Variants in TBXAS1 observed in about 807,000 individuals in gnomAD.
TBXAS1 encodes the protein thromboxane-A synthase.
In TBXAS1, 48 loss-of-function variants were observed where a neutral mutation model predicts 60.7. That is an observed-to-expected ratio of 0.79 (90% CI 0.63 to 1.01). The LOEUF (loss-of-function observed/expected upper bound fraction) is 1.01. TBXAS1 is among the 50% of genes least tolerant of loss of function. The probability of loss-of-function intolerance (pLI) is 0.00; values close to 1 mark genes in which losing one functional copy is unlikely to be tolerated. For missense variants in TBXAS1, 685 were observed against 686.3 expected (o/e 1.00, Z 0.02); for synonymous variants, 287 against 269.7 (o/e 1.06, Z -0.63).
rs563863922 is a variant in TBXAS1, at chr7:139,916,894, C to T, written c.333+5573C>T. Among the ~76,000 whole-genome samples the T allele has an allele frequency of 1.4e-4, 21 of 152,308 alleles. No homozygotes were observed. Among genetic ancestry groups the T allele is most frequent in the South Asian group, 1.2e-3 (6 of 4,832 alleles). On this transcript the variant is annotated intron_variant, in intron 4 of 12. Coordinates refer to ENST00000448866, the MANE Select transcript of TBXAS1 (RefSeq NM_001061.7). This position sits in a 1 kb window ranked among gnomAD's most constrained non-coding sequence, Gnocchi z 4.2. ...GCCCTTGGCAGACTTGCCATAAAACCGCCCCCCTTGAACTCATTCCTACAC... is the reference window on the plus strand; with the variant it reads ...GCCCTTGGCAGACTTGCCATAAAACTGCCCCCCTTGAACTCATTCCTACAC...
intron 9 of TBXAS1, among the ~76,000 whole-genome samples, chr7:139,996,948 C>G (rs752366847): frequency 1.3e-5 from 2 of 152,204 alleles, no homozygotes; most frequent in Non-Finnish European, 2.9e-5. Context: ...TTGCAAGAAC[C>G]TCCTGTCTTA....
chr7:140,003,870 C>T (rs920634534), intron 9 of TBXAS1, among the ~76,000 whole-genome samples: 4 of 152,208 alleles, frequency 2.6e-5, no homozygotes, highest in Non-Finnish European at 4.4e-5. Context: ...CAAGTGAGAA[C>T]TTGTTGGAAG....
intron 9 of TBXAS1, among the ~76,000 whole-genome samples, chr7:139,979,492 G>A (rs1006422414): frequency 1.3e-5 from 2 of 151,912 alleles, no homozygotes; most frequent in Non-Finnish European, 2.9e-5. Context: ...TTTGGGAGGC[G>A]GAGGTGGGTG....
At position 139,829,460 on chromosome 7, in the gene TBXAS1, C is replaced by T. The variant is rs755342498; in HGVS notation, c.70C>T (p.Leu24Phe). Residue 24 changes from leucine to phenylalanine, a missense_variant, in exon 1 of 13, where the codon CTC (leucine) becomes TTC (phenylalanine). Physicochemically the swap from Leu to Phe is conservative, Grantham distance 22 (BLOSUM62 0). Coordinates refer to ENST00000448866, the MANE Select transcript of TBXAS1 (RefSeq NM_001061.7). ...PMVTVALSVA[L>F]LALLKWYSTS... ...GGTGACGGTGGCCCTGTCAGTGGCT[C>T]TCTTGGCCCTCCTGAAATGGTAAGT... 2 of 1,613,752 alleles carry T rather than the reference C, an allele frequency of 1.2e-6. No individual in the cohort carries two copies. The highest frequency in any genetic ancestry group is 4.5e-5 in the East Asian group (2 of 44,896).
rs71170921 is a variant in TBXAS1, at chr7:139,898,413, C to CTTTTTTTTT, written c.237-12788_237-12780dup. Among the ~76,000 whole-genome samples the CTTTTTTTTT allele has an allele frequency of 1.7e-3, 136 of 82,248 alleles. 13 individuals carry two copies. The highest frequency in any genetic ancestry group is 6.3e-3 in the African/African-American group (129 of 20,488). 54.0% of individuals were successfully genotyped at this position (82,248 alleles called of 152,430 possible). On this transcript the variant is annotated intron_variant, in intron 3 of 12. Coordinates refer to ENST00000448866, the MANE Select transcript of TBXAS1 (RefSeq NM_001061.7). The stretch of plus-strand genomic sequence containing the variant: ...ATCAGAAGTTTCCCAACGTGCATGG[C>CTTTTTTTTT]TTTTTTTTTTTTTTTTTTTTTTTTT...
chr7:139,849,678 A>G (rs1329119988), intron 1 of TBXAS1, among the ~76,000 whole-genome samples: 1 of 152,138 alleles, frequency 6.6e-6, no homozygotes, highest in Admixed American at 6.5e-5. Context: ...CAAAGAATTG[A>G]TCTGGGGGAT....
intron 1 of TBXAS1, among the ~76,000 whole-genome samples, chr7:139,857,601 C>T (rs918050045): frequency 7.9e-5 from 12 of 152,160 alleles, no homozygotes; most frequent in South Asian, 2.1e-4. Flanking sequence ...TGTGTGTTTT[C>T]GGATGGTGGC....
chr7:139,935,131 G>T (rs1023058087), intron 4 of TBXAS1, among the ~76,000 whole-genome samples: 9 of 152,180 alleles, frequency 5.9e-5, no homozygotes, highest in Admixed American at 4.6e-4. Flanking sequence ...CCTCTTCAAA[G>T]ACCTTATCTC....
chr7:139,796,324 C>G (rs1057412228), intron 4 of TBXAS1, among the ~76,000 whole-genome samples: 1 of 152,088 alleles, frequency 6.6e-6, no homozygotes, highest in Non-Finnish European at 1.5e-5. Context: ...AATAAGCTAT[C>G]AAGCCACAGA....
chr7:139,823,623 T>C (rs1431976922), intron 4 of TBXAS1, among the ~76,000 whole-genome samples: 1 of 152,090 alleles, frequency 6.6e-6, no homozygotes, highest in East Asian at 1.9e-4. Flanking sequence ...ATAAACGATA[T>C]CATAACCGTG....
At chr7:139,918,249 AT>A (rs1277519206) in intron 4 of TBXAS1, among the ~76,000 whole-genome samples, 3 of 152,070 alleles carry the variant, frequency 2.0e-5, no homozygotes, top group Non-Finnish European at 4.4e-5. Context: ...TAACCTCCTG[AT>A]TCTCAATTTC....
At chr7:139,850,594 T>G (rs1800149629) in intron 1 of TBXAS1, among the ~76,000 whole-genome samples, 1 of 152,136 alleles carries the variant, frequency 6.6e-6, no homozygotes, top group African/African-American at 2.4e-5. Flanking sequence ...TTCATGTCCA[T>G]TAAAACCTCT....
At chr7:139,803,368 G>A (rs899036530) in intron 4 of TBXAS1, among the ~76,000 whole-genome samples, 4 of 152,194 alleles carry the variant, frequency 2.6e-5, no homozygotes, top group African/African-American at 7.2e-5. Context: ...ACTTGAGAGA[G>A]ACGATTTAGG....
chr7:139,822,956 C>T (rs1200627535), intron 4 of TBXAS1, among the ~76,000 whole-genome samples: 2 of 152,056 alleles, frequency 1.3e-5, no homozygotes, highest in African/African-American at 2.4e-5. Flanking sequence ...TCTGGCTTTC[C>T]CTGACCCTAG....
At chr7:139,965,745 A>G (rs1810737410) in intron 9 of TBXAS1, among the ~76,000 whole-genome samples, 1 of 152,180 alleles carries the variant, frequency 6.6e-6, no homozygotes, top group Non-Finnish European at 1.5e-5. Context: ...AAAAATGGGA[A>G]TATCTACAGC....
chr7:140,014,156 C>T lies in TBXAS1; in HGVS notation c.1227-1567C>T, dbSNP rs758646388. Among the ~76,000 whole-genome samples, 42 of 152,076 alleles carry T rather than the reference C, an allele frequency of 2.8e-4. 1 individual carries two copies. The highest frequency in any genetic ancestry group is 1.7e-3 in the Admixed American group (26 of 15,270). The stretch of plus-strand genomic sequence containing the variant: ...GGATTGCAAAGAGGTCAATGAGAGA[C>T]GAGAATCTAAACTAAGGAGATGGCA... On this transcript the variant is annotated intron_variant, in intron 10 of 12. Transcript: ENST00000448866.
intron 1 of TBXAS1, among the ~76,000 whole-genome samples, chr7:139,844,588 C>T (rs1484029255): frequency 6.6e-6 from 1 of 152,156 alleles, no homozygotes; most frequent in African/African-American, 2.4e-5. Context: ...AATAAATGCA[C>T]GATTTACATT....
chr7:139,871,448 C>G (rs1027205269), intron 1 of TBXAS1, among the ~76,000 whole-genome samples: 2 of 152,184 alleles, frequency 1.3e-5, no homozygotes, highest in Non-Finnish European at 2.9e-5. Context: ...GCAGGTTTTT[C>G]TAAGCCAGTT....
At chr7:140,006,264 T>G (rs961528296) in intron 9 of TBXAS1, among the ~76,000 whole-genome samples, 25 of 152,188 alleles carry the variant, frequency 1.6e-4, no homozygotes, top group Non-Finnish European at 1.5e-5. Flanking sequence ...ATAAGCTTCC[T>G]TAATCCCAGT....
Sources: gnomAD v4.1 joint callset for allele counts (sites outside exome capture counted in the v4.1 genomes callset) on GRCh38, gnomAD v4.1.1 for gene constraint, Gnocchi (gnomAD v3.1) non-coding constraint, MANE v1.5 for transcripts, NCBI Gene and HGNC (gene_info 2026-07-23, HGNC 2026-07-21) for gene names.